The following MYO10 variants were observed in gnomAD, a reference collection of about 807,000 sequenced individuals.
The protein encoded by MYO10 is myosin X, also known as unconventional myosin-X.
A neutral mutation model predicts 257.3 loss-of-function variants in MYO10; 133 were observed. That is an observed-to-expected ratio of 0.52 (90% CI 0.45 to 0.60). The LOEUF (loss-of-function observed/expected upper bound fraction) is 0.60, where lower values mean the gene tolerates loss of function less well. MYO10 is among the 20% of genes least tolerant of loss of function. The probability of loss-of-function intolerance (pLI) is 0.00; values close to 1 mark genes in which losing one functional copy is unlikely to be tolerated. For synonymous variants in MYO10, 1,104 were observed against 1,028.6 expected, an observed-to-expected ratio of 1.07 and a Z score of -1.40; for missense variants, 2,399 against 2,635.7, an observed-to-expected ratio of 0.91 and a Z score of 1.97.
rs2126812353 is a variant in MYO10, at chr5:16,935,917, C to T, written c.-109G>A. 2 of 1,405,008 alleles carry T rather than the reference C, an allele frequency of 1.4e-6. No homozygotes were observed. Among genetic ancestry groups the T allele is most frequent in the Non-Finnish European group, 2.0e-6 (2 of 1,019,900 alleles). 87.0% of individuals were successfully genotyped at this position (1,405,008 alleles called of 1,614,324 possible). A position where few individuals can be genotyped will look rare whatever the true frequency, so the allele number is the denominator to read the frequency against. ...TGTCACGGCGCCACTCCCGAGGACG[C>T]GCGCCCGCGGGGCTCCCCTGCTGCC... is the stretch of plus-strand genomic sequence containing the variant. On this transcript the variant is annotated 5_prime_UTR_variant, in exon 1 of 41. Transcript: ENST00000513610.
chr5:16,796,186 CA>C (rs796981409), intron 3 of MYO10, among the ~76,000 whole-genome samples: 3,121 of 48,822 alleles, frequency 0.064, 149 homozygotes, highest in East Asian at 0.35. Flanking sequence ...GAGACTCTGT[CA>C]AAAAAAAAAA....
chr5:16,711,043 G>C (rs747091980), intron 20 of MYO10, 21 bp from the exon 21 acceptor site: 2 of 1,613,694 alleles, frequency 1.2e-6, no homozygotes, highest in South Asian at 2.2e-5. Flanking sequence ...AAGACACACA[G>C]GGTCACCTTC....
intron 3 of MYO10, among the ~76,000 whole-genome samples, chr5:16,813,801 A>T (rs756007137): frequency 5.3e-5 from 8 of 151,856 alleles, no homozygotes; most frequent in Non-Finnish European, 7.4e-5. Context: ...GCAGTCAGAG[A>T]GAGAGAAAGA....
chr5:16,860,791 G>A (rs1461441034), intron 2 of MYO10, among the ~76,000 whole-genome samples: 1 of 152,014 alleles, frequency 6.6e-6, no homozygotes, highest in Non-Finnish European at 1.5e-5. Context: ...TGGAGAGAGG[G>A]AGCTATTCCA....
chr5:16,818,390 G>GTATATATATATATA lies in MYO10; in HGVS notation c.121-224_121-223insTATATATATATATA. On this transcript the variant is annotated intron_variant, in intron 2 of 40. Transcript: ENST00000513610. The stretch of plus-strand genomic sequence containing the variant: ...TGTGTGTGTGTGTGTGCGTGTGTGT[G>GTATATATATATATA]TGTGTGTGTGTGTGTGTGTGTATAT... Among the ~76,000 whole-genome samples the GTATATATATATATA allele has an allele frequency of 2.8e-3, 259 of 93,984 alleles. 4 individuals carry two copies. Among genetic ancestry groups the GTATATATATATATA allele is most frequent in the African/African-American group, 0.012 (240 of 19,532 alleles). 61.7% of individuals were successfully genotyped at this position (93,984 alleles called of 152,430 possible). A position where few individuals can be genotyped will look rare whatever the true frequency, so the allele number is the denominator to read the frequency against.
chr5:16,754,709 T>C (rs1225080969), intron 19 of MYO10, 119 bp downstream of exon 19: 6 of 571,274 alleles, frequency 1.1e-5, no homozygotes, highest in Non-Finnish European at 1.8e-5. Flanking sequence ...AATAATGTCA[T>C]ATCCATTTCC....
intron 1 of MYO10, among the ~76,000 whole-genome samples, chr5:16,900,847 C>T (rs1195654999): frequency 6.6e-6 from 1 of 150,454 alleles, no homozygotes; most frequent in Non-Finnish European, 1.5e-5. Flanking sequence ...TCAAACAATT[C>T]TCCTGCCTCA....
rs530905514 is a variant in MYO10, at chr5:16,846,171, G to C, written c.121-28004C>G. ...AACTTGTTTGCATGGGCTACATACT[G>C]ACTTTGTTTTCAAAGTGAAATGAAG... is the stretch of plus-strand genomic sequence containing the variant. On this transcript the variant is annotated intron_variant, in intron 2 of 40. Transcript: ENST00000513610. Among the ~76,000 whole-genome samples the C allele has an allele frequency of 5.3e-5, 8 of 152,256 alleles. No individual in the cohort carries two copies. In the East Asian group the frequency reaches 1.5e-3, roughly 29 times the overall value.
In MYO10 at chr5:16,824,607, G is replaced by A. The variant is rs111328545; in HGVS notation, c.121-6440C>T. Among the ~76,000 whole-genome samples, 183 of 152,270 alleles carry A rather than the reference G, an allele frequency of 1.2e-3. 3 individuals carry two copies. Among genetic ancestry groups the A allele is most frequent in the African/African-American group, 3.7e-3 (154 of 41,558 alleles). ...CTTTCAGCCGGGCGCGGTGGCTCAC[G>A]CTTGTAATCCCAGCACTTTGGGAGG... On this transcript the variant is annotated intron_variant, in intron 2 of 40. Transcript: ENST00000513610.
intron 2 of MYO10, among the ~76,000 whole-genome samples, chr5:16,866,007 T>G (rs927033731): frequency 9.0e-6 from 1 of 110,498 alleles, no homozygotes. Context: ...TCATATTTAT[T>G]TACCCAAACA....
intron 33 of MYO10, among the ~76,000 whole-genome samples, chr5:16,677,705 G>A (rs573505606): frequency 4.0e-5 from 6 of 151,156 alleles, no homozygotes; most frequent in Admixed American, 1.3e-4. Context: ...GTGAGCCATC[G>A]CACCCGGCCA....
intron 3 of MYO10, among the ~76,000 whole-genome samples, chr5:16,796,442 C>CGAAAGAG (rs1553997256): frequency 8.3e-6 from 1 of 120,764 alleles, no homozygotes; most frequent in Non-Finnish European, 1.7e-5. Flanking sequence ...AAAAGAAAGA[C>CGAAAGAG]AGAAAGAAAG....
At chr5:16,888,474 A>G (rs150870628) in intron 1 of MYO10, among the ~76,000 whole-genome samples, 1,803 of 152,040 alleles carry the variant, frequency 0.012, 74 homozygotes, top group African/African-American at 0.042. Flanking sequence ...GCATGCCTGT[A>G]ATCCCAGCTA....
At chr5:16,736,227 G>A (rs1739795120) in intron 19 of MYO10, among the ~76,000 whole-genome samples, 1 of 152,190 alleles carries the variant, frequency 6.6e-6, no homozygotes, top group Admixed American at 6.5e-5. Context: ...GAGAAGTGGA[G>A]AACAAGCGGC....
chr5:16,784,852 G>A (rs1457711356), intron 4 of MYO10, among the ~76,000 whole-genome samples: 1 of 152,194 alleles, frequency 6.6e-6, no homozygotes, highest in African/African-American at 2.4e-5. Flanking sequence ...CGGGCTGGGT[G>A]CAGGGGTCCC....
chr5:16,740,953 C>T (rs1234503314), intron 19 of MYO10, among the ~76,000 whole-genome samples: 2 of 151,544 alleles, frequency 1.3e-5, no homozygotes, highest in African/African-American at 2.4e-5. Flanking sequence ...ATCTACGCGA[C>T]GAAAGCAGAT....
chr5:16,719,989 CGTGTGTGTGT>C (rs10526050), intron 19 of MYO10, among the ~76,000 whole-genome samples: 6,429 of 143,532 alleles, frequency 0.045, 472 homozygotes, highest in African/African-American at 0.16. Context: ...TGTGTGCGTG[CGTGTGTGTGT>C]GTGTGTGTGT....
rs772084488 is a variant in MYO10, at chr5:16,694,377, G to T, written c.3794C>A (p.Thr1265Lys). The change falls in exon 27 of 41, where the codon ACG becomes AAG. Residue 1265 changes from threonine to lysine, a missense_variant. Thr to Lys is a moderately conservative substitution (Grantham distance 78). This residue lies in a region of MYO10 where 1,820 missense variants were observed against 1,939.4 expected (regional missense o/e 0.94). Transcript: ENST00000513610. ...EKLKGTVEVR[T>K]AKEIIDNTTK... Reference sequence around the variant, plus strand: ...GCCAGGCTTAGCAACCTACTTTGCCGTTCGCACTTCTACGGTGCCCTTGAG... The same window carrying T: ...GCCAGGCTTAGCAACCTACTTTGCCTTTCGCACTTCTACGGTGCCCTTGAG... 2 of 1,613,982 alleles carry T rather than the reference G, an allele frequency of 1.2e-6. No homozygotes were observed. Among genetic ancestry groups the T allele is most frequent in the African/African-American group, 2.7e-5 (2 of 75,054 alleles).
intron 3 of MYO10, among the ~76,000 whole-genome samples, chr5:16,805,641 T>C (rs1009466713): frequency 2.0e-5 from 3 of 152,108 alleles, no homozygotes; most frequent in Non-Finnish European, 4.4e-5. Flanking sequence ...AAACACGAGG[T>C]GGGGCCACGT....
Sources: gnomAD v4.1 joint callset for allele counts (sites outside exome capture counted in the v4.1 genomes callset) on GRCh38, gnomAD v4.1.1 for gene constraint, gnomAD v4.1.1 regional missense constraint, MANE v1.5 for transcripts, NCBI Gene and HGNC (gene_info 2026-07-23, HGNC 2026-07-21) for gene names.